The following IDO2 variants were observed in gnomAD, a reference collection of about 807,000 sequenced individuals.
The protein encoded by IDO2 is indoleamine 2,3-dioxygenase-like 1 protein.
IDO2 carries 46 observed loss-of-function variants against 45.1 expected under a neutral mutation model. That is an observed-to-expected ratio of 1.02 (90% CI 0.80 to 1.30). The LOEUF (loss-of-function observed/expected upper bound fraction) is 1.30, where lower values mean the gene tolerates loss of function less well. Ranked by LOEUF, IDO2 falls within the 50% of genes most tolerant of loss-of-function variation. IDO2 has a pLI of 0.00. For synonymous variants in IDO2, 218 were observed against 184.9 expected (o/e 1.18, Z -1.45); for missense variants, 544 against 491.8 (o/e 1.11, Z -1.00).
intron 5 of IDO2, chr8:39,985,218 T>C (rs1808406432): frequency 6.7e-6 from 3 of 447,674 alleles, no homozygotes; most frequent in Non-Finnish European, 8.0e-6. Context: ...CATGAGCCAC[T>C]GTGCCCAGCC....
intron 3 of IDO2, 98 bp from the exon 4 acceptor site, chr8:39,978,969 C>T: frequency 8.5e-7 from 1 of 1,181,172 alleles, no homozygotes; most frequent in Non-Finnish European, 1.2e-6. Flanking sequence ...TTGCCTTCCA[C>T]CCAAAGGTCC....
chr8:39,995,194 TCTTCTTCTCCTTCTCCTTCTC>T lies in IDO2; in HGVS notation c.667+5362_667+5382del, dbSNP rs1168377857. ...TCCTCTTCTTCCTTCTTCTTCTTCT[TCTTCTTCTCCTTCTCCTTCTC>T]CTTCTCCTTCTCCTTCTCCTTCTCC... is the stretch of plus-strand genomic sequence containing the variant. On this transcript the variant is annotated intron_variant, in intron 8 of 10. Coordinates refer to ENST00000502986, the Ensembl canonical transcript of IDO2. 7.4e-3 allele frequency: 545 copies of T among 74,064 alleles called. 13 individuals carry two copies. The highest frequency in any genetic ancestry group is 0.032 in the African/African-American group (507 of 16,026). 4.6% of individuals were successfully genotyped at this position (74,064 alleles called of 1,614,324 possible).
At chr8:40,009,733 G>A (rs1347762336) in intron 9 of IDO2, among the ~76,000 whole-genome samples, 2 of 152,096 alleles carry the variant, frequency 1.3e-5, no homozygotes, top group African/African-American at 4.8e-5. Context: ...GTATGCTGGT[G>A]TTTTCTCTGT....
At position 39,975,447 on chromosome 8, in the gene IDO2, G is replaced by A. The variant is rs28566619; in HGVS notation, c.196-3620G>A. On this transcript the variant is annotated intron_variant, in intron 3 of 10. Coordinates refer to ENST00000502986, the Ensembl canonical transcript of IDO2. ...TATACAAAATCTTGTAAATTGATTG[G>A]AAAAACAACCAAATAAAAAACAATG... Among the ~76,000 whole-genome samples the A allele has an allele frequency of 1.0e-2, 1,518 of 152,122 alleles. 32 individuals are homozygous for A. The highest frequency in any genetic ancestry group is 0.034 in the African/African-American group (1,421 of 41,498).
At chr8:39,949,093 C>T in intron 1 of IDO2, 56 bp from the exon 2 acceptor site, 1 of 1,550,484 alleles carries the variant, frequency 6.4e-7, no homozygotes, top group Non-Finnish European at 8.7e-7. Flanking sequence ...AAGGATGGAA[C>T]CTGGGTGTTT....
At chr8:40,012,192 A>G (rs1018594751) in intron 9 of IDO2, among the ~76,000 whole-genome samples, 1 of 151,280 alleles carries the variant, frequency 6.6e-6, no homozygotes, top group African/African-American at 2.4e-5. Flanking sequence ...GAGCAAAATA[A>G]CTTTTAGAAT....
intron 9 of IDO2, 59 bp from the exon 10 acceptor site, chr8:40,013,506 G>A: frequency 6.7e-7 from 1 of 1,503,104 alleles, no homozygotes; most frequent in Non-Finnish European, 9.0e-7. Flanking sequence ...TTCCATGTCA[G>A]AAAATATACC....
intron 3 of IDO2, among the ~76,000 whole-genome samples, chr8:39,978,063 C>T (rs2729467): frequency 0.77 from 116,626 of 152,132 alleles, 44,783 homozygotes; most frequent in Middle Eastern, 0.86. Context: ...TTTAGAACCC[C>T]TGGGGATGGT....
At chr8:39,978,820 C>G (rs1313557045) in intron 3 of IDO2, among the ~76,000 whole-genome samples, 1 of 152,076 alleles carries the variant, frequency 6.6e-6, no homozygotes, top group African/African-American at 2.4e-5. Flanking sequence ...GCCATGGGGA[C>G]AAACTGTGGG....
intron 2 of IDO2, among the ~76,000 whole-genome samples, chr8:39,957,070 T>C (rs61267348): frequency 1.6e-5 from 2 of 121,620 alleles, no homozygotes; most frequent in Non-Finnish European, 3.4e-5. Flanking sequence ...AAAAAAGAGA[T>C]CAATAAATAA....
chr8:39,969,098 C>G (rs1019446888), intron 3 of IDO2, among the ~76,000 whole-genome samples: 1 of 151,998 alleles, frequency 6.6e-6, no homozygotes, highest in African/African-American at 2.4e-5. Flanking sequence ...TCATGGGGTG[C>G]GGGTGAACAG....
chr8:40,006,712 G>A (rs1398891865), intron 9 of IDO2, among the ~76,000 whole-genome samples: 1 of 150,430 alleles, frequency 6.6e-6, no homozygotes, highest in Non-Finnish European at 1.5e-5. Flanking sequence ...CCAGGCTGGA[G>A]TGCAGTGGTG....
chr8:39,965,310 A>G (rs781500868), intron 3 of IDO2, among the ~76,000 whole-genome samples: 1 of 152,172 alleles, frequency 6.6e-6, no homozygotes, highest in African/African-American at 2.4e-5. Context: ...ACATGGTGAA[A>G]CCATGTCTCT....
chr8:39,997,135 T>A (rs1802056692), intron 8 of IDO2, among the ~76,000 whole-genome samples: 1 of 152,184 alleles, frequency 6.6e-6, no homozygotes, highest in African/African-American at 2.4e-5. Context: ...AAATTCATAA[T>A]ACAAGCAACT....
Position 39,995,229 on chromosome 8 carries a change from TTCTC to T in IDO2, c.667+5392_667+5395del, listed in dbSNP as rs1563438234. On this transcript the variant is annotated intron_variant, in intron 8 of 10. Transcript: ENST00000502986. ...CTTCTCCTTCTCCTTCTCCTTCTCC[TTCTC>T]CTTCTCCTTCTCCTTCTCCTTCTTC... 708 of 87,074 alleles carry T rather than the reference TTCTC, an allele frequency of 8.1e-3. 17 individuals are homozygous for T. Among genetic ancestry groups the T allele is most frequent in the African/African-American group, 0.035 (655 of 18,624 alleles). The allele number at this position is 87,074 out of a possible 1,614,324, so 5.4% of individuals were successfully genotyped here. A position where few individuals can be genotyped will look rare whatever the true frequency, so the allele number is the denominator to read the frequency against.
At chr8:39,989,622 G>C in intron 7 of IDO2, 99 bp from the exon 8 acceptor site, 1 of 826,002 alleles carries the variant, frequency 1.2e-6, no homozygotes, top group Non-Finnish European at 1.9e-6. Flanking sequence ...CTGACAAACT[G>C]TCCGGTCCTC....
At chr8:40,004,196 G>T (rs538333819) in intron 8 of IDO2, among the ~76,000 whole-genome samples, 3 of 152,346 alleles carry the variant, frequency 2.0e-5, no homozygotes, top group African/African-American at 7.2e-5. Context: ...TCACATGTAA[G>T]CAGACAGAAT....
At chr8:39,989,699 T>G (rs1164573796) in intron 7 of IDO2, 22 bp from the exon 8 acceptor site, 2 of 1,494,272 alleles carry the variant, frequency 1.3e-6, no homozygotes, top group African/African-American at 2.8e-5. Context: ...TAATAAGTTG[T>G]GTACATGCAT....
At chr8:39,997,317 C>T (rs912316054) in intron 8 of IDO2, among the ~76,000 whole-genome samples, 4 of 151,888 alleles carry the variant, frequency 2.6e-5, no homozygotes, top group East Asian at 1.9e-4. Flanking sequence ...AGGAGTCTTA[C>T]GGAAGAATAA....
Sources: gnomAD v4.1 joint callset for allele counts (sites outside exome capture counted in the v4.1 genomes callset) on GRCh38, gnomAD v4.1.1 for gene constraint, MANE v1.5 for transcripts, NCBI Gene and HGNC (gene_info 2026-07-23, HGNC 2026-07-21) for gene names.